IFNGR1: variants seen among roughly 807,000 people sequenced by gnomAD.
The protein encoded by IFNGR1 is interferon gamma receptor 1.
Under a neutral mutation model 35.4 loss-of-function variants are expected in IFNGR1, and 23 were observed. The observed-to-expected ratio is 0.65, with a 90% CI of 0.47 to 0.92. The LOEUF (loss-of-function observed/expected upper bound fraction) is 0.92, where lower values mean the gene tolerates loss of function less well. Ranked by LOEUF, IFNGR1 falls within the 40% of genes least tolerant of loss-of-function variation. IFNGR1 has a pLI of 0.00. For synonymous variants in IFNGR1, 199 were observed against 209.5 expected (o/e 0.95, Z 0.43); for missense variants, 533 against 583.4 (o/e 0.91, Z 0.89).
At position 137,204,316 on chromosome 6, in the gene IFNGR1, A is replaced by C; in HGVS notation, c.546+16T>G. The C allele has an allele frequency of 6.2e-7, 1 of 1,609,362 alleles. No individual in the cohort carries two copies. Among genetic ancestry groups the C allele is most frequent in the South Asian group, 1.1e-5 (1 of 90,990 alleles). ...CTACACAAGAATTTCCATTATGAAA[A>C]ATGTGAAACACATACCTCACTTCCG... On this transcript the variant is annotated intron_variant, in intron 4 of 6. Coordinates refer to ENST00000367739, the MANE Select transcript of IFNGR1 (RefSeq NM_000416.3).
At chr6:137,204,146 C>T (rs1194706105) in intron 4 of IFNGR1, among the ~76,000 whole-genome samples, 186 bp downstream of exon 4, 2 of 152,154 alleles carry the variant, frequency 1.3e-5, no homozygotes, top group African/African-American at 2.4e-5. Flanking sequence ...TTCACATGGT[C>T]AGTGTTAGTG....
Position 137,206,176 on chromosome 6 carries a change from A to G in IFNGR1, c.333T>C (p.Ser111=). 1 of 1,614,168 alleles carries G rather than the reference A, an allele frequency of 6.2e-7. No homozygotes were observed. Among genetic ancestry groups the G allele is most frequent in the Non-Finnish European group, 8.5e-7 (1 of 1,179,976 alleles). ...CAAATTCTTCTGACTTTGCATAGGC[A>G]GATTCTTTTTGTCCAACCCTGGCTT... ...RVKARVGQKE[S]AYAKSEEFAV... Residue 111 remains serine, a synonymous_variant, in exon 3 of 7, where the codon TCT becomes TCC. Coordinates refer to ENST00000367739, the MANE Select transcript of IFNGR1 (RefSeq NM_000416.3).
rs369255132 is a variant in IFNGR1 at position 137,213,381 on chromosome 6, C to T, written c.85+5862G>A. The stretch of plus-strand genomic sequence containing the variant: ...TTATTTAGTGTATTACATCTGCATA[C>T]TATCCGGAGTAAACTTTAGCTATTT... On this transcript the variant is annotated intron_variant, in intron 1 of 6. Transcript: ENST00000367739. 6.6e-5 allele frequency among the ~76,000 whole-genome samples: 10 copies of T among 152,290 alleles called. No homozygotes were observed. The East Asian group carries it at 7.7e-4, about 12-fold the overall frequency.
intron 1 of IFNGR1, among the ~76,000 whole-genome samples, chr6:137,207,320 C>T (rs920524988): frequency 6.6e-6 from 1 of 152,148 alleles, no homozygotes; most frequent in Non-Finnish European, 1.5e-5. Flanking sequence ...AAAGGAAACA[C>T]AAATACAGCA....
At chr6:137,214,553 C>T (rs1004951422) in intron 1 of IFNGR1, among the ~76,000 whole-genome samples, 3 of 152,136 alleles carry the variant, frequency 2.0e-5, no homozygotes, top group Non-Finnish European at 4.4e-5. Context: ...AACTAACCTC[C>T]CCTATATTTT....
At chr6:137,207,210 A>T (rs1779456206) in intron 1 of IFNGR1, 133 bp from the exon 2 acceptor site, 2 of 1,170,718 alleles carry the variant, frequency 1.7e-6, no homozygotes, top group African/African-American at 3.1e-5. Context: ...GGATACCAAA[A>T]TTATTTAAAT....
At chr6:137,213,618 A>T (rs1293672041) in intron 1 of IFNGR1, among the ~76,000 whole-genome samples, 1 of 152,256 alleles carries the variant, frequency 6.6e-6, no homozygotes, top group Non-Finnish European at 1.5e-5. Context: ...AAGACCAGTG[A>T]AGATCAGCAG....
At position 137,197,854 on chromosome 6, in the gene IFNGR1, T is replaced by A; in HGVS notation, c.*177A>T. On this transcript the variant is annotated 3_prime_UTR_variant, in exon 7 of 7. Transcript: ENST00000367739. ...TAAAAAAAAAAAAAAGTCTGTACTT[T>A]ACAAGCCAAAAGTGAAAATGCCACA... is the stretch of plus-strand genomic sequence containing the variant. The A allele has an allele frequency of 1.3e-6, 1 of 772,462 alleles. No individual in the cohort carries two copies. The highest frequency in any genetic ancestry group is 2.8e-5 in the East Asian group (1 of 35,594). The allele number at this position is 772,462 out of a possible 1,614,324, so 47.9% of individuals were successfully genotyped here.
intron 4 of IFNGR1, 45 bp from the exon 5 acceptor site, chr6:137,203,730 TCTG>T (rs1229827755): frequency 2.1e-6 from 3 of 1,440,374 alleles, no homozygotes; most frequent in African/African-American, 3.3e-5. Context: ...CTTCTTTTAA[TCTG>T]AAAAAAAAAA....
chr6:137,201,334 C>T lies in IFNGR1; in HGVS notation c.734-326G>A, dbSNP rs554961629. On this transcript the variant is annotated intron_variant, in intron 5 of 6. Transcript: ENST00000367739. The stretch of plus-strand genomic sequence containing the variant: ...TGTTTCCAGGGTTATGCATTTCTTT[C>T]GGTTAAAAATGCAAAAGAATAATTT... Among the ~76,000 whole-genome samples, 27 of 152,222 alleles carry T rather than the reference C, an allele frequency of 1.8e-4. No homozygotes were observed. In the South Asian group the frequency reaches 5.2e-3, roughly 29 times the overall value.
chr6:137,217,619 G>C (rs1304142886), intron 1 of IFNGR1, among the ~76,000 whole-genome samples: 2 of 152,180 alleles, frequency 1.3e-5, no homozygotes, highest in African/African-American at 4.8e-5. Flanking sequence ...ACAGAAATAA[G>C]AAATGGAGAG....
At chr6:137,212,035 T>C (rs1157051569) in intron 1 of IFNGR1, among the ~76,000 whole-genome samples, 1 of 152,158 alleles carries the variant, frequency 6.6e-6, no homozygotes, top group Non-Finnish European at 1.5e-5. Flanking sequence ...TTCCCATGAT[T>C]GAGCAAAGTC....
intron 1 of IFNGR1, chr6:137,215,274 T>C: frequency 3.2e-6 from 5 of 1,548,240 alleles, no homozygotes; most frequent in Non-Finnish European, 3.5e-6. Context: ...TACCTCCATA[T>C]TTAAATTGGA....
chr6:137,204,211 T>G, intron 4 of IFNGR1, 121 bp downstream of exon 4: 2 of 850,816 alleles, frequency 2.4e-6, no homozygotes, highest in Non-Finnish European at 2.0e-6. Flanking sequence ...TCTTATCAAA[T>G]CTATGATCTG....
chr6:137,204,592 A>G (rs1215884731), intron 3 of IFNGR1, 88 bp from the exon 4 acceptor site: 1 of 1,107,286 alleles, frequency 9.0e-7, no homozygotes. Flanking sequence ...CTATCAATCA[A>G]CCTATTGTTT....
chr6:137,201,766 T>A (rs1370410847), intron 5 of IFNGR1, among the ~76,000 whole-genome samples: 7 of 152,172 alleles, frequency 4.6e-5, no homozygotes, highest in Admixed American at 4.6e-4. Context: ...GAATTTCCTG[T>A]TACATTTATT....
rs1443775012 is a variant in IFNGR1 at position 137,204,511 on chromosome 6, AAGG to A, written c.374-10_374-8del. 25 of 1,607,970 alleles carry A rather than the reference AAGG, an allele frequency of 1.6e-5. No individual in the cohort carries two copies. The highest frequency in any genetic ancestry group is 2.0e-5 in the Non-Finnish European group (23 of 1,174,646). ...TTAGGTGGTCCAATTTTTCCTGGGG[AAGG>A]AGGAGGAGGAAGTATAATAAATACT... On this transcript the variant is annotated splice_region_variant and splice_polypyrimidine_tract_variant and intron_variant, in intron 3 of 6. Transcript: ENST00000367739.
intron 1 of IFNGR1, among the ~76,000 whole-genome samples, chr6:137,208,060 G>A (rs1284765571): frequency 6.6e-6 from 1 of 152,214 alleles, no homozygotes; most frequent in Non-Finnish European, 1.5e-5. Context: ...TGGAGCAAAG[G>A]TGACTCTTGC....
chr6:137,199,466 ATATAAAATATATAATTTATAATATAT>A (rs1302585673), intron 6 of IFNGR1, among the ~76,000 whole-genome samples: 6 of 96,648 alleles, frequency 6.2e-5, no homozygotes, highest in African/African-American at 2.4e-4. Context: ...AACTTATATT[ATATAAAATATATAATTTATAATATAT>A]TATATAAAAT....
Sources: allele counts gnomAD v4.1 joint callset (sites outside exome capture counted in the v4.1 genomes callset), GRCh38; gene constraint gnomAD v4.1.1; transcripts MANE v1.5; gene names NCBI Gene and HGNC (gene_info 2026-07-23, HGNC 2026-07-21).